Variants in GRIK2 observed in about 807,000 individuals in gnomAD.
GRIK2 encodes the protein glutamate ionotropic receptor kainate type subunit 2, also known as glutamate receptor ionotropic, kainate 2.
GRIK2 carries 32 observed loss-of-function variants against 100.3 expected under a neutral mutation model. That is an observed-to-expected ratio of 0.32 (90% CI 0.24 to 0.43). GRIK2 has a LOEUF of 0.43. Ranked by LOEUF, GRIK2 falls within the 20% of genes least tolerant of loss-of-function variation. The pLI, the probability that GRIK2 is intolerant of heterozygous loss-of-function variation, is 1.00. For synonymous variants in GRIK2, 417 were observed against 389.4 expected (o/e 1.07, Z -0.83); for missense variants, 843 against 1,114.9 (o/e 0.76, Z 3.47).
At chr6:101,839,840 A>G (rs1021699500) in intron 10 of GRIK2, among the ~76,000 whole-genome samples, 7 of 152,158 alleles carry the variant, frequency 4.6e-5, no homozygotes, top group Non-Finnish European at 8.8e-5. Flanking sequence ...AATGGGATTG[A>G]GGTAAAAAAG....
chr6:101,916,001 C>A (rs956252327), intron 12 of GRIK2, among the ~76,000 whole-genome samples: 5 of 151,268 alleles, frequency 3.3e-5, no homozygotes, highest in African/African-American at 1.2e-4. Context: ...AAAGAGATAA[C>A]TTTTTCTAAC....
intron 14 of GRIK2, among the ~76,000 whole-genome samples, chr6:101,955,930 G>T (rs1332903823): frequency 6.6e-6 from 1 of 151,600 alleles, no homozygotes; most frequent in Non-Finnish European, 1.5e-5. Context: ...TCTTCCTTCT[G>T]CTTTATTCGA....
Position 101,930,342 on chromosome 6 carries a change from C to CA in GRIK2, c.2085+1722dup, listed in dbSNP as rs370301977. 4.8e-3 allele frequency among the ~76,000 whole-genome samples: 696 copies of CA among 146,328 alleles called. 6 individuals are homozygous for CA. The highest frequency in any genetic ancestry group is 0.015 in the African/African-American group (583 of 39,622). On this transcript the variant is annotated intron_variant, in intron 14 of 16. Coordinates refer to ENST00000369134, the MANE Select transcript of GRIK2 (RefSeq NM_021956.5). ...GGGCAACTGGAGTGCAATCCTGTCT[C>CA]AAAAAAAAAAAATAAAATAAAATAA...
chr6:101,909,818 A>G (rs1578293), intron 12 of GRIK2, among the ~76,000 whole-genome samples: 3,921 of 151,292 alleles, frequency 0.026, 168 homozygotes, highest in African/African-American at 0.091. Flanking sequence ...ATTCTCATTA[A>G]CCAGAATTCA....
intron 2 of GRIK2, among the ~76,000 whole-genome samples, chr6:101,545,870 T>C (rs1229098422): frequency 6.6e-6 from 1 of 152,206 alleles, no homozygotes; most frequent in African/African-American, 2.4e-5. Flanking sequence ...ATTTTTGATT[T>C]CTTACTTTAA....
At chr6:101,519,672 T>A (rs1315917465) in intron 2 of GRIK2, among the ~76,000 whole-genome samples, 2 of 152,114 alleles carry the variant, frequency 1.3e-5, no homozygotes, top group African/African-American at 4.8e-5. Flanking sequence ...CATTATTTGA[T>A]TGAGTTTTTG....
At chr6:101,989,690 A>G (rs540110689) in intron 14 of GRIK2, among the ~76,000 whole-genome samples, 24 of 151,564 alleles carry the variant, frequency 1.6e-4, no homozygotes, top group Non-Finnish European at 3.2e-4. Flanking sequence ...GCTTCACCTG[A>G]GCCTTGGTTT....
chr6:101,512,111 A>T (rs1774352572), intron 2 of GRIK2, among the ~76,000 whole-genome samples: 1 of 151,620 alleles, frequency 6.6e-6, no homozygotes, highest in African/African-American at 2.4e-5. Context: ...ATCTTTAAGG[A>T]TACTGCCATT....
At chr6:101,864,062 G>A (rs567913918) in intron 11 of GRIK2, among the ~76,000 whole-genome samples, 6 of 149,944 alleles carry the variant, frequency 4.0e-5, no homozygotes, top group East Asian at 2.0e-4. Flanking sequence ...GCGTGAACCC[G>A]GGAAGCGGAG....
rs898108451 is a variant in GRIK2 at position 102,061,411 on chromosome 6, G to C, written c.2562+5831G>C. Among the ~76,000 whole-genome samples, 3 of 150,418 alleles carry C rather than the reference G, an allele frequency of 2.0e-5. No homozygotes were observed. In the Admixed American group the frequency reaches 2.0e-4, roughly 10 times the overall value. On this transcript the variant is annotated intron_variant, in intron 16 of 16. Coordinates refer to ENST00000369134, the MANE Select transcript of GRIK2 (RefSeq NM_021956.5). ...TGTTTTCCAAGTTCAAAGATGCCTA[G>C]TCTAACAGTGTTTCAACCATATCAA... is the stretch of plus-strand genomic sequence containing the variant.
At chr6:102,033,147 G>A (rs963590009) in intron 14 of GRIK2, among the ~76,000 whole-genome samples, 1 of 151,156 alleles carries the variant, frequency 6.6e-6, no homozygotes, top group Admixed American at 6.6e-5. Context: ...AAAAATTTTA[G>A]TATTTGTAAA....
In GRIK2 at chr6:101,928,456, G is replaced by T; in HGVS notation, c.1909G>T (p.Gly637Ter). Reference protein sequence around the residue: ...MPKALSTRIVGGIWWFFTLII... With the variant: ...MPKALSTRIV Reference sequence around the variant, plus strand: ...CAAAGCACTGTCCACCAGGATAGTGGGAGGCATTTGGTGGTTTTTCACACT... The same window carrying T: ...CAAAGCACTGTCCACCAGGATAGTGTGAGGCATTTGGTGGTTTTTCACACT... Residue 637 changes from glycine (G) to a stop codon, truncating the protein, a stop_gained, in exon 14 of 17, where the codon GGA (glycine) becomes TGA (stop). Coordinates refer to ENST00000369134, the MANE Select transcript of GRIK2 (RefSeq NM_021956.5). LOFTEE classifies it high-confidence loss of function. 1 of 1,607,842 alleles carries T rather than the reference G, an allele frequency of 6.2e-7. No homozygotes were observed. Among genetic ancestry groups the T allele is most frequent in the Non-Finnish European group, 8.5e-7 (1 of 1,174,388 alleles).
chr6:101,542,222 G>A (rs1014042980), intron 2 of GRIK2, among the ~76,000 whole-genome samples: 1 of 151,762 alleles, frequency 6.6e-6, no homozygotes, highest in Non-Finnish European at 1.5e-5. Flanking sequence ...AGCTTTGAGA[G>A]ATTTTTCTTG....
At chr6:101,673,104 C>T (rs1477385141) in intron 4 of GRIK2, among the ~76,000 whole-genome samples, 1 of 152,080 alleles carries the variant, frequency 6.6e-6, no homozygotes, top group East Asian at 1.9e-4. Context: ...AATATTTGCA[C>T]ACTATATCTC....
chr6:102,000,902 A>T (rs917028389), intron 14 of GRIK2, among the ~76,000 whole-genome samples: 2 of 151,908 alleles, frequency 1.3e-5, no homozygotes, highest in Admixed American at 1.3e-4. Flanking sequence ...ACTATAATCT[A>T]TATTATGTCC....
At chr6:101,571,968 A>G (rs997107701) in intron 2 of GRIK2, among the ~76,000 whole-genome samples, 2 of 152,144 alleles carry the variant, frequency 1.3e-5, no homozygotes, top group African/African-American at 4.8e-5. Flanking sequence ...TACACAAAGT[A>G]TTTGAAAGTC....
chr6:101,749,233 C>T (rs1055699707), intron 7 of GRIK2, among the ~76,000 whole-genome samples: 2 of 152,060 alleles, frequency 1.3e-5, no homozygotes, highest in African/African-American at 4.8e-5. Context: ...CTCAGCCTCC[C>T]GAGTAACTGG....
intron 7 of GRIK2, among the ~76,000 whole-genome samples, chr6:101,693,717 T>C (rs1201540178): frequency 6.6e-6 from 1 of 151,850 alleles, no homozygotes; most frequent in East Asian, 1.9e-4. Context: ...ACATATAACA[T>C]TATATAAAAA....
At chr6:101,782,167 C>T (rs1308528811) in intron 7 of GRIK2, among the ~76,000 whole-genome samples, 1 of 152,148 alleles carries the variant, frequency 6.6e-6, no homozygotes, top group African/African-American at 2.4e-5. Context: ...GGGATATTCA[C>T]TATGTCTAGC....
Sources: allele counts gnomAD v4.1 joint callset (sites outside exome capture counted in the v4.1 genomes callset), GRCh38; gene constraint gnomAD v4.1.1; transcripts MANE v1.5; gene names NCBI Gene and HGNC (gene_info 2026-07-23, HGNC 2026-07-21).